The following GLIS3 variants were observed in gnomAD, a reference collection of about 807,000 sequenced individuals.
GLIS3 encodes the protein zinc finger protein GLIS3.
GLIS3 carries 53 observed loss-of-function variants against 78.6 expected under a neutral mutation model. The observed-to-expected ratio is 0.67, with a 90% CI of 0.54 to 0.85. The LOEUF (loss-of-function observed/expected upper bound fraction) is 0.85, where lower values mean the gene tolerates loss of function less well. Among genes scored for constraint, GLIS3 ranks in the 40% least tolerant of loss-of-function variants. The pLI, the probability that GLIS3 is intolerant of heterozygous loss-of-function variation, is 0.00. For synonymous variants in GLIS3, 684 were observed against 509.9 expected (o/e 1.34, Z -4.60); for missense variants, 1,703 against 1,231.1 (o/e 1.38, Z -5.74).
chr9:4,131,307 A>T (rs1481548726), intron 2 of GLIS3, among the ~76,000 whole-genome samples: 1 of 152,138 alleles, frequency 6.6e-6, no homozygotes, highest in African/African-American at 2.4e-5. Context: ...TTGAGATGGG[A>T]TGATTGTATT....
intron 9 of GLIS3, among the ~76,000 whole-genome samples, chr9:3,842,974 G>A (rs1350735549): frequency 6.6e-6 from 1 of 152,158 alleles, no homozygotes; most frequent in Non-Finnish European, 1.5e-5. Context: ...TGTTCCAAAA[G>A]GGCCTTGAAT....
intron 3 of GLIS3, among the ~76,000 whole-genome samples, chr9:4,122,417 G>C (rs1020315961): frequency 6.6e-6 from 1 of 152,162 alleles, no homozygotes; most frequent in Non-Finnish European, 1.5e-5. Context: ...AATTTACAGA[G>C]AGCCTGGAGT....
At chr9:3,838,096 A>C (rs1818466435) in intron 9 of GLIS3, among the ~76,000 whole-genome samples, 1 of 152,132 alleles carries the variant, frequency 6.6e-6, no homozygotes. Context: ...ATGGGTGGGC[A>C]TGTATCTCTG....
chr9:3,871,452 T>A (rs1820963074), intron 8 of GLIS3, among the ~76,000 whole-genome samples: 1 of 152,206 alleles, frequency 6.6e-6, no homozygotes, highest in South Asian at 2.1e-4. Flanking sequence ...ATGAGAGCTG[T>A]GCCCCTGCAG....
At chr9:4,424,302 C>T in the GLIS3 span, among the ~76,000 whole-genome samples, 32 of 152,202 alleles carry the variant, frequency 2.1e-4, no homozygotes, top group Middle Eastern at 6.8e-3. Flanking sequence ...TCTCTATGGG[C>T]GTCTGTTTCC....
rs568377797 is a variant in GLIS3, at chr9:4,148,661, A to G, written c.389-22720T>C. On this transcript the variant is annotated intron_variant, in intron 2 of 10. Transcript: ENST00000381971. ...ATTAGGCCTCAGCTTCCTAATGCCTATGAACAGGTAATGCCCACACCATAC... is the reference window on the plus strand; with the variant it reads ...ATTAGGCCTCAGCTTCCTAATGCCTGTGAACAGGTAATGCCCACACCATAC... 2.0e-5 allele frequency among the ~76,000 whole-genome samples: 3 copies of G among 152,246 alleles called. No homozygotes were observed. In the East Asian group the frequency reaches 5.8e-4, roughly 29 times the overall value.
At chr9:4,150,636 A>C (rs1386380440) in intron 2 of GLIS3, among the ~76,000 whole-genome samples, 1 of 152,220 alleles carries the variant, frequency 6.6e-6, no homozygotes, top group Admixed American at 6.5e-5. Context: ...ATAGATGATG[A>C]AACAATTTCA....
intron 4 of GLIS3, among the ~76,000 whole-genome samples, chr9:4,100,380 T>G (rs905108733): frequency 6.6e-6 from 1 of 152,176 alleles, no homozygotes; most frequent in African/African-American, 2.4e-5. Context: ...TATTTGTATG[T>G]TTTAAATGGG....
At chr9:4,452,535 A>C in the GLIS3 span, among the ~76,000 whole-genome samples, 1 of 152,210 alleles carries the variant, frequency 6.6e-6, no homozygotes, top group Non-Finnish European at 1.5e-5. Flanking sequence ...AATAATAGGC[A>C]AACAGCCAAA....
intron 9 of GLIS3, among the ~76,000 whole-genome samples, chr9:3,832,173 T>C (rs562234923): frequency 7.3e-5 from 11 of 150,412 alleles, no homozygotes; most frequent in Non-Finnish European, 1.3e-4. Flanking sequence ...AGTTAATACT[T>C]ACATATTATA....
the GLIS3 span, among the ~76,000 whole-genome samples, chr9:4,406,134 A>C: frequency 2.0e-5 from 3 of 152,342 alleles, no homozygotes; most frequent in East Asian, 5.8e-4. Context: ...ATGGGGAAAA[A>C]CTGAAAGCCT....
intron 4 of GLIS3, among the ~76,000 whole-genome samples, chr9:3,950,360 A>T (rs950715631): frequency 2.8e-4 from 43 of 152,140 alleles, no homozygotes; most frequent in Admixed American, 4.6e-4. Context: ...AATTCTTCAA[A>T]GATTTCCCAC....
chr9:4,488,720 G>T, the GLIS3 span, among the ~76,000 whole-genome samples: 1 of 151,998 alleles, frequency 6.6e-6, no homozygotes, highest in East Asian at 1.9e-4. Flanking sequence ...ATTTCCCCAT[G>T]TTGGCCAGGC....
rs1265317427 is a variant in GLIS3, at chr9:3,991,683, A to AATTTT, written c.1711-54495_1711-54494insAAAAT. ...GTTCAGAATTTCATTAAGTAGGCTG[A>AATTTT]TTTTTTTTTTTTTTTTTTTTTTTTT... On this transcript the variant is annotated intron_variant, in intron 4 of 10. Transcript: ENST00000381971. Among the ~76,000 whole-genome samples the AATTTT allele has an allele frequency of 1.0e-3, 92 of 87,906 alleles. 8 individuals carry two copies. The highest frequency in any genetic ancestry group is 4.3e-3 in the African/African-American group (82 of 18,982). 57.7% of individuals were successfully genotyped at this position (87,906 alleles called of 152,430 possible). A position where few individuals can be genotyped will look rare whatever the true frequency, so the allele number is the denominator to read the frequency against.
chr9:3,906,020 A>G (rs1416137364), intron 6 of GLIS3, among the ~76,000 whole-genome samples: 2 of 152,226 alleles, frequency 1.3e-5, no homozygotes, highest in African/African-American at 4.8e-5. Flanking sequence ...ATATGGAGAA[A>G]GGCATGAAAT....
At chr9:4,149,676 T>C (rs1834515931) in intron 2 of GLIS3, among the ~76,000 whole-genome samples, 1 of 152,230 alleles carries the variant, frequency 6.6e-6, no homozygotes, top group Non-Finnish European at 1.5e-5. Context: ...CATAACCCCT[T>C]TTACTTTCAG....
At chr9:4,266,619 C>T (rs894879320) in intron 2 of GLIS3, among the ~76,000 whole-genome samples, 2 of 152,030 alleles carry the variant, frequency 1.3e-5, no homozygotes, top group Non-Finnish European at 2.9e-5. Flanking sequence ...CACACACACA[C>T]ACACACACAC....
chr9:4,482,818 C>T, the GLIS3 span, among the ~76,000 whole-genome samples: 1 of 152,030 alleles, frequency 6.6e-6, no homozygotes, highest in East Asian at 1.9e-4. Flanking sequence ...AAAGGAAATA[C>T]CAGAATCACT....
the GLIS3 span, among the ~76,000 whole-genome samples, chr9:4,408,684 G>A: frequency 1.5e-4 from 18 of 120,684 alleles, no homozygotes; most frequent in African/African-American, 2.1e-4. Context: ...CCGAGATCAC[G>A]CCACCGCACT....
Sources: allele counts gnomAD v4.1 joint callset (sites outside exome capture counted in the v4.1 genomes callset), GRCh38; gene constraint gnomAD v4.1.1; transcripts MANE v1.5; gene names NCBI Gene and HGNC (gene_info 2026-07-23, HGNC 2026-07-21).